Variants in NAALADL2 observed in about 807,000 individuals in gnomAD.
NAALADL2 encodes the protein inactive N-acetylated-alpha-linked acidic dipeptidase-like protein 2.
Under a neutral mutation model 87.2 loss-of-function variants are expected in NAALADL2, and 76 were observed. The ratio of observed to expected loss-of-function variants is 0.87; its 90% CI spans 0.72 to 1.05. The LOEUF (loss-of-function observed/expected upper bound fraction) is 1.05. Ranked by LOEUF, NAALADL2 falls within the 50% of genes least tolerant of loss-of-function variation. NAALADL2 has a pLI of 0.00. For missense variants in NAALADL2, 1,089 were observed against 945.8 expected, an observed-to-expected ratio of 1.15 and a Z score of -1.99; for synonymous variants, 354 against 331.0, an observed-to-expected ratio of 1.07 and a Z score of -0.75.
At position 175,772,101 on chromosome 3, in the gene NAALADL2, C is replaced by T. The variant is rs116099278; in HGVS notation, c.2189+16683C>T. 1.8e-3 allele frequency among the ~76,000 whole-genome samples: 277 copies of T among 152,218 alleles called. 2 individuals carry two copies. The highest frequency in any genetic ancestry group is 6.2e-3 in the African/African-American group (256 of 41,532). On this transcript the variant is annotated intron_variant, in intron 13 of 13. Coordinates refer to ENST00000454872, the MANE Select transcript of NAALADL2 (RefSeq NM_207015.3). ...CAAACCGTATCAACATCTGCAAAGA[C>T]GCTTTTTGCAAATAAGGTAGCATTT...
At chr3:175,158,818 G>C (rs1217881097) in intron 2 of NAALADL2, among the ~76,000 whole-genome samples, 2 of 151,980 alleles carry the variant, frequency 1.3e-5, no homozygotes, top group African/African-American at 4.8e-5. Flanking sequence ...TATGAATAAA[G>C]TTAAATGTTT....
At chr3:174,638,327 A>G (rs1722848313) in intron 2 of NAALADL2, among the ~76,000 whole-genome samples, 1 of 152,152 alleles carries the variant, frequency 6.6e-6, no homozygotes, top group Non-Finnish European at 1.5e-5. Flanking sequence ...TTGTTAAGAA[A>G]CAGAATTTAG....
intron 3 of NAALADL2, among the ~76,000 whole-genome samples, chr3:174,806,882 A>G (rs1489540914): frequency 1.3e-5 from 2 of 152,214 alleles, no homozygotes; most frequent in Non-Finnish European, 2.9e-5. Flanking sequence ...CAATATAATC[A>G]GATAAGATTA....
At chr3:174,504,228 T>C (rs1195300119) in intron 1 of NAALADL2, among the ~76,000 whole-genome samples, 1 of 152,162 alleles carries the variant, frequency 6.6e-6, no homozygotes, top group Non-Finnish European at 1.5e-5. Context: ...TAATATTCTA[T>C]GGTAAAATAA....
intron 4 of NAALADL2, among the ~76,000 whole-genome samples, chr3:175,305,207 AT>A (rs1757546564): frequency 6.6e-6 from 1 of 151,800 alleles, no homozygotes; most frequent in Non-Finnish European, 1.5e-5. Context: ...TGTATAGAAT[AT>A]TTTGTAAAAT....
At chr3:174,775,676 C>T (rs1715124228) in intron 3 of NAALADL2, among the ~76,000 whole-genome samples, 1 of 151,916 alleles carries the variant, frequency 6.6e-6, no homozygotes, top group Non-Finnish European at 1.5e-5. Flanking sequence ...CCCACAGGGT[C>T]CTCCAGAACA....
At chr3:174,686,180 T>C (rs1728024798) in intron 2 of NAALADL2, among the ~76,000 whole-genome samples, 1 of 152,130 alleles carries the variant, frequency 6.6e-6, no homozygotes, top group Non-Finnish European at 1.5e-5. Flanking sequence ...TTTGGGCGTA[T>C]ACCCTTTAAT....
At chr3:175,328,297 A>T (rs535234172) in intron 5 of NAALADL2, among the ~76,000 whole-genome samples, 1 of 152,286 alleles carries the variant, frequency 6.6e-6, no homozygotes, top group South Asian at 2.1e-4. Flanking sequence ...TCCTTATGGT[A>T]CTTTGAATCA....
Position 175,194,976 on chromosome 3 carries a change from A to G in NAALADL2, c.546-38955A>G, listed in dbSNP as rs148290298. Among the ~76,000 whole-genome samples, 588 of 151,688 alleles carry G rather than the reference A, an allele frequency of 3.9e-3. 3 individuals carry two copies. Among genetic ancestry groups the G allele is most frequent in the Middle Eastern group, 0.01 (3 of 292 alleles). On this transcript the variant is annotated intron_variant, in intron 2 of 13. Coordinates refer to ENST00000454872, the MANE Select transcript of NAALADL2 (RefSeq NM_207015.3). Reference sequence around the variant, plus strand: ...GGAGTCACCATTTAATCAATGTAGTATTATTCCCTTAATTATTGAGCTAAG... The same window carrying G: ...GGAGTCACCATTTAATCAATGTAGTGTTATTCCCTTAATTATTGAGCTAAG...
At chr3:174,880,748 G>T (rs935962006) in intron 1 of NAALADL2, among the ~76,000 whole-genome samples, 3 of 151,980 alleles carry the variant, frequency 2.0e-5, no homozygotes, top group African/African-American at 7.3e-5. Flanking sequence ...CGTTTCTTCA[G>T]GCTGCTGTAA....
chr3:175,445,068 T>C (rs1321115469), intron 5 of NAALADL2, among the ~76,000 whole-genome samples: 2 of 152,190 alleles, frequency 1.3e-5, no homozygotes, highest in Admixed American at 1.3e-4. Context: ...TTAGCACTTA[T>C]TTTCCCTAGT....
Position 175,032,502 on chromosome 3 carries a change from T to A in NAALADL2, c.44-64288T>A, listed in dbSNP as rs527476700. On this transcript the variant is annotated intron_variant, in intron 1 of 13. Coordinates refer to ENST00000454872, the MANE Select transcript of NAALADL2 (RefSeq NM_207015.3). ...CCTCATTTCCACATTAAAGTGTCAA[T>A]ACACAAGCATTACCTATATAGAACT... Among the ~76,000 whole-genome samples the A allele has an allele frequency of 5.3e-5, 8 of 152,132 alleles. No individual in the cohort carries two copies. The South Asian group carries it at 1.7e-3, about 31-fold the overall frequency.
At chr3:174,800,747 G>A (rs1237337219) in intron 3 of NAALADL2, among the ~76,000 whole-genome samples, 1 of 152,220 alleles carries the variant, frequency 6.6e-6, no homozygotes, top group African/African-American at 2.4e-5. Flanking sequence ...GCAGCCAGGA[G>A]GGGAGCTATA....
At position 175,447,278 on chromosome 3, in the gene NAALADL2, G is replaced by A. The variant is rs751858497; in HGVS notation, c.1140G>A (p.Gln380=). ...SRSNLTSLLV[Q]PISAPLVAKL... is the part of the protein sequence containing the mutation. The stretch of plus-strand genomic sequence containing the variant: ...CAAACCTCACCTCTCTATTAGTGCA[G>A]CCCATCTCTGCACCCCTCGTTGCAA... Residue 380 remains glutamine, a synonymous_variant, in exon 6 of 14, where the codon CAG becomes CAA. Transcript: ENST00000454872. 1 of 1,607,422 alleles carries A rather than the reference G, an allele frequency of 6.2e-7. No individual in the cohort carries two copies. The highest frequency in any genetic ancestry group is 2.2e-5 in the East Asian group (1 of 44,772).
rs1017887709 is a variant in NAALADL2, at chr3:175,689,611, A to G, written c.1897-47695A>G. Among the ~76,000 whole-genome samples the G allele has an allele frequency of 2.6e-5, 4 of 152,288 alleles. No homozygotes were observed. In the East Asian group the frequency reaches 5.8e-4, roughly 22 times the overall value. ...AGTAGTATTCCTCCTCAGCCACGAT[A>G]AACATTCCCAGTAAATCCTACTGCA... On this transcript the variant is annotated intron_variant, in intron 11 of 13. Coordinates refer to ENST00000454872, the MANE Select transcript of NAALADL2 (RefSeq NM_207015.3).
At chr3:175,410,866 GC>G (rs1466094953) in intron 5 of NAALADL2, among the ~76,000 whole-genome samples, 3 of 152,150 alleles carry the variant, frequency 2.0e-5, no homozygotes, top group Admixed American at 6.5e-5. Context: ...GTGGACAGAC[GC>G]CCTCTTTTTT....
intron 1 of NAALADL2, among the ~76,000 whole-genome samples, chr3:174,505,668 G>A: frequency 6.6e-6 from 1 of 152,030 alleles, no homozygotes; most frequent in African/African-American, 2.4e-5. Flanking sequence ...ATTTCATGTG[G>A]GAAAGAACTC....
chr3:174,728,383 AT>A, intron 2 of NAALADL2, among the ~76,000 whole-genome samples: 1 of 152,180 alleles, frequency 6.6e-6, no homozygotes, highest in East Asian at 1.9e-4. Context: ...GTTGGAAGGA[AT>A]GGAAGAAGTT....
intron 13 of NAALADL2, among the ~76,000 whole-genome samples, chr3:175,801,654 A>G (rs765719994): frequency 6.6e-6 from 1 of 152,124 alleles, no homozygotes; most frequent in African/African-American, 2.4e-5. Context: ...GTAGCAATAT[A>G]TCATCTGTTA....
Sources: gnomAD v4.1 joint callset for allele counts (sites outside exome capture counted in the v4.1 genomes callset) on GRCh38, gnomAD v4.1.1 for gene constraint, MANE v1.5 for transcripts, NCBI Gene and HGNC (gene_info 2026-07-23, HGNC 2026-07-21) for gene names.